Variants in FAN1 observed in about 807,000 individuals in gnomAD.
The protein encoded by FAN1 is fanconi-associated nuclease 1.
In FAN1, 91 loss-of-function variants were observed where a neutral mutation model predicts 104.9. The observed-to-expected ratio is 0.87, with a 90% CI of 0.73 to 1.03. FAN1 has a LOEUF of 1.03. FAN1 is among the 50% of genes least tolerant of loss of function. The probability of loss-of-function intolerance (pLI) is 0.00; values close to 1 mark genes in which losing one functional copy is unlikely to be tolerated. For missense variants in FAN1, 1,263 were observed against 1,239.9 expected, an observed-to-expected ratio of 1.02 and a Z score of -0.28; for synonymous variants, 478 against 457.6, an observed-to-expected ratio of 1.04 and a Z score of -0.57.
chr15:30,937,211 C>T lies in FAN1; in HGVS notation c.3009C>T (p.Val1003=), dbSNP rs2062879606. The change falls in exon 14 of 15, where the codon GTC becomes GTT. Residue 1003 remains valine, a synonymous_variant. Transcript: ENST00000362065. ...ELQKLGAEVE[V]CHVVAVGAKS... is the part of the protein sequence containing the mutation. ...AGAAGCTGGGGGCTGAAGTAGAAGT[C>T]TGCCATGTGGTTGCAGTTGGAGCTA... 6.2e-7 allele frequency: 1 copy of T among 1,613,994 alleles called. No homozygotes were observed.
chr15:30,928,335 A>G (rs2062517573), intron 10 of FAN1: 11 of 1,299,108 alleles, frequency 8.5e-6, no homozygotes, highest in Admixed American at 7.5e-5. Flanking sequence ...TATGATTACT[A>G]AGATTTTTGC....
chr15:30,906,322 A>G (rs1435712164), intron 2 of FAN1: 2 of 460,070 alleles, frequency 4.3e-6, no homozygotes, highest in Non-Finnish European at 8.7e-6. Flanking sequence ...ATACAGGAAG[A>G]AAACAAACCA....
intron 14 of FAN1, chr15:30,940,211 C>T: frequency 5.1e-6 from 5 of 985,160 alleles, no homozygotes; most frequent in Non-Finnish European, 6.0e-6. Flanking sequence ...CGTTTCACTG[C>T]TGTAAGAAGC....
Position 30,929,347 on chromosome 15 carries a change from G to C in FAN1, c.2737G>C (p.Val913Leu). The change falls in exon 12 of 15, where the codon GTG (valine) becomes CTG (leucine). Residue 913 changes from valine (V) to leucine (L), a missense_variant. This residue lies in a region of FAN1 where 581 missense variants were observed against 668.8 expected (regional missense o/e 0.87). Transcript: ENST00000362065. ...AATWHEQEGR[V>L]ASLVSWDRFT... Reference sequence around the variant, plus strand: ...CACGTGGCATGAGCAGGAAGGCAGAGTGGCTTCCCTTGTCAGCTGGGATCG... The same window carrying C: ...CACGTGGCATGAGCAGGAAGGCAGACTGGCTTCCCTTGTCAGCTGGGATCG... The C allele has an allele frequency of 6.2e-7, 1 of 1,611,954 alleles. No homozygotes were observed. The highest frequency in any genetic ancestry group is 1.1e-5 in the South Asian group (1 of 90,764).
In FAN1 at chr15:30,922,353, C is replaced by T. The variant is rs761141548; in HGVS notation, c.2171C>T (p.Pro724Leu). 52 of 1,599,434 alleles carry T rather than the reference C, an allele frequency of 3.3e-5. No individual in the cohort carries two copies. The South Asian group carries it at 4.0e-4, about 12-fold the overall frequency. The change falls in exon 8 of 15, where the codon CCG becomes CTG. Residue 724 changes from proline (P) to leucine (L), a missense_variant and splice_region_variant. Pro to Leu is a moderately conservative substitution (Grantham distance 98). This residue lies in a region of FAN1 where 581 missense variants were observed against 668.8 expected (regional missense o/e 0.87). Transcript: ENST00000362065. ...CACCAGCACTTGAAGCGCCTGGAAC[C>T]GGTACTCAGTAACAAAACATATCTG... ...NLHQHLKRLEPTIKCITEGLA... is the reference protein window; with the variant it reads ...NLHQHLKRLELTIKCITEGLA...
chr15:30,926,050 T>C, intron 10 of FAN1, 111 bp downstream of exon 10: 1 of 1,080,542 alleles, frequency 9.3e-7, no homozygotes, highest in Non-Finnish European at 1.4e-6. Flanking sequence ...CTGCTCACAG[T>C]GGAAGATGCT....
Position 30,918,241 on chromosome 15 carries a change from T to C in FAN1, c.1889T>C (p.Leu630Pro). The stretch of plus-strand genomic sequence containing the variant: ...GGGAACTGGGAAGAAGCTAAGGAGC[T>C]CGCTCAGTGTGCAAAAAGGGATTGG... ...ANGNWEEAKELAQCAKRDWNR... is the reference protein window; with the variant it reads ...ANGNWEEAKEPAQCAKRDWNR... The change falls in exon 6 of 15, where the codon CTC (leucine) becomes CCC (proline). Residue 630 changes from leucine to proline, a missense_variant. By Grantham distance (98) the Leu-to-Pro change is moderately conservative (BLOSUM62 -3). Coordinates refer to ENST00000362065, the MANE Select transcript of FAN1 (RefSeq NM_014967.5). 1 of 1,614,130 alleles carries C rather than the reference T, an allele frequency of 6.2e-7. No individual in the cohort carries two copies. Among genetic ancestry groups the C allele is most frequent in the Non-Finnish European group, 8.5e-7 (1 of 1,180,016 alleles).
chr15:30,937,059 C>A, intron 13 of FAN1, 60 bp from the exon 14 acceptor site: 4 of 1,440,696 alleles, frequency 2.8e-6, no homozygotes, highest in Non-Finnish European at 3.8e-6. Flanking sequence ...CTACAACTTA[C>A]TTGAATGGCT....
At chr15:30,938,869 G>C (rs1460512230) in intron 14 of FAN1, 1 of 948,580 alleles carries the variant, frequency 1.1e-6, no homozygotes, top group Non-Finnish European at 1.3e-6. Context: ...AGAAGTATGG[G>C]TAGGAGAAGA....
chr15:30,926,180 A>G (rs1002299759), intron 10 of FAN1, among the ~76,000 whole-genome samples: 1 of 152,200 alleles, frequency 6.6e-6, no homozygotes, highest in African/African-American at 2.4e-5. Context: ...TATAAAAGTT[A>G]TGGAAGGTAC....
chr15:30,940,440 G>A (rs2140981872), intron 14 of FAN1: 1 of 985,372 alleles, frequency 1.0e-6, no homozygotes. Flanking sequence ...CTAAGCATTA[G>A]GAACTATGAG....
intron 2 of FAN1, among the ~76,000 whole-genome samples, chr15:30,907,770 T>C (rs1284844354): frequency 6.6e-6 from 1 of 152,226 alleles, no homozygotes; most frequent in African/African-American, 2.4e-5. Flanking sequence ...ACTGCCCTAC[T>C]GAAGCTAGAC....
chr15:30,911,555 T>C (rs2062100734), intron 4 of FAN1: 1 of 973,530 alleles, frequency 1.0e-6, no homozygotes, highest in South Asian at 4.8e-5. Context: ...AAGAAAAATA[T>C]AAATACCAAC....
intron 10 of FAN1, chr15:30,927,694 G>A (rs2062499985): frequency 1.3e-5 from 13 of 985,508 alleles, no homozygotes; most frequent in South Asian, 4.7e-5. Context: ...CACCTCCTCT[G>A]GCCAGTGGTC....
intron 6 of FAN1, 135 bp downstream of exon 6, chr15:30,918,430 C>A: frequency 1.2e-6 from 1 of 844,314 alleles, no homozygotes. Context: ...GAATTTTGTG[C>A]GTGCTTTGCC....
At chr15:30,929,590 A>G (rs1347945126) in intron 12 of FAN1, among the ~76,000 whole-genome samples, 193 bp downstream of exon 12, 4 of 131,656 alleles carry the variant, frequency 3.0e-5, no homozygotes, top group Non-Finnish European at 4.7e-5. Context: ...TATATTATAT[A>G]TTATATATTA....
intron 2 of FAN1, chr15:30,906,346 T>C (rs1465660191): frequency 2.6e-5 from 12 of 458,208 alleles, no homozygotes; most frequent in Middle Eastern, 6.5e-4. Context: ...TGAGGCATAT[T>C]TTCTTTCTCC....
intron 10 of FAN1, chr15:30,927,876 G>C (rs980959602): frequency 2.4e-5 from 24 of 985,590 alleles, no homozygotes; most frequent in African/African-American, 2.1e-4. Context: ...CTCTGACTCT[G>C]TGACCTCAGC....
intron 8 of FAN1, among the ~76,000 whole-genome samples, chr15:30,922,939 C>T (rs2062369713): frequency 6.6e-6 from 1 of 152,246 alleles, no homozygotes; most frequent in Non-Finnish European, 1.5e-5. Flanking sequence ...CCACCACAGC[C>T]AGGCGGGTGA....
Sources: gnomAD v4.1 joint callset for allele counts (sites outside exome capture counted in the v4.1 genomes callset) on GRCh38, gnomAD v4.1.1 for gene constraint, gnomAD v4.1.1 regional missense constraint, MANE v1.5 for transcripts, NCBI Gene and HGNC (gene_info 2026-07-23, HGNC 2026-07-21) for gene names.